Variants in KIAA1217 observed in about 807,000 individuals in gnomAD.
The protein encoded by KIAA1217 is KIAA1217.
In KIAA1217, 88 loss-of-function variants were observed where a neutral mutation model predicts 163.9. The observed-to-expected ratio is 0.54, with a 90% confidence interval of 0.45 to 0.64. The LOEUF (loss-of-function observed/expected upper bound fraction) is 0.64. Among genes scored for constraint, KIAA1217 ranks in the 30% least tolerant of loss-of-function variants. KIAA1217 has a pLI of 0.00. For synonymous variants in KIAA1217, 903 were observed against 923.1 expected (o/e 0.98, Z 0.39); for missense variants, 2,372 against 2,475.0 (o/e 0.96, Z 0.88).
chr10:24,150,908 G>A (rs562464429), intron 2 of KIAA1217, among the ~76,000 whole-genome samples: 1 of 152,296 alleles, frequency 6.6e-6, no homozygotes, highest in East Asian at 1.9e-4. Context: ...GAGGCAGCAT[G>A]CTCCTGGCTG....
rs371698439 is a variant in KIAA1217 at position 24,065,018 on chromosome 10, T to C, written c.-171+57644T>C. ...TTTGTCATTTTTTATTGCGTCTATTTGATTCTTCTCTCTTTTCTTCTTTAT... is the reference window on the plus strand; with the variant it reads ...TTTGTCATTTTTTATTGCGTCTATTCGATTCTTCTCTCTTTTCTTCTTTAT... On this transcript the variant is annotated intron_variant, in intron 2 of 18. Transcript: ENST00000376462. 9.2e-5 allele frequency among the ~76,000 whole-genome samples: 14 copies of C among 152,372 alleles called. No homozygotes were observed. In the East Asian group the frequency reaches 1.5e-3, roughly 17 times the overall value.
chr10:23,793,245 A>C (rs943683041), intron 1 of KIAA1217, among the ~76,000 whole-genome samples: 1 of 152,172 alleles, frequency 6.6e-6, no homozygotes, highest in Non-Finnish European at 1.5e-5. Flanking sequence ...GGAGAACTTC[A>C]CAAGTGAGTG....
At position 24,089,317 on chromosome 10, in the gene KIAA1217, A is replaced by C. The variant is rs1330304605; in HGVS notation, c.-171+81943A>C. Among the ~76,000 whole-genome samples, 3 of 124,866 alleles carry C rather than the reference A, an allele frequency of 2.4e-5. 1 individual carries two copies. The highest frequency in any genetic ancestry group is 2.3e-4 in the Admixed American group (3 of 12,976). 81.9% of individuals were successfully genotyped at this position (124,866 alleles called of 152,430 possible). On this transcript the variant is annotated intron_variant, in intron 2 of 18. Coordinates refer to the KIAA1217 transcript ENST00000376462. ...TAGTTTAATTAGATCCCATTTGTCA[A>C]TTTTGGCTTTTGTTGCCATTGCTTT...
intron 2 of KIAA1217, among the ~76,000 whole-genome samples, chr10:24,348,111 CTT>C (rs1457358541): frequency 1.3e-5 from 2 of 152,178 alleles, no homozygotes; most frequent in African/African-American, 4.8e-5. Flanking sequence ...AATCCCAGCA[CTT>C]TGGGAGGCAG....
At chr10:24,031,072 A>G (rs757273234) in intron 2 of KIAA1217, among the ~76,000 whole-genome samples, 1 of 152,114 alleles carries the variant, frequency 6.6e-6, no homozygotes, top group Non-Finnish European at 1.5e-5. Context: ...TTTTATGGTA[A>G]TTCTAAGTTT....
In KIAA1217 at chr10:24,472,634, C is replaced by A. The variant is rs181553806; in HGVS notation, c.847-594C>A. 1.3e-4 allele frequency among the ~76,000 whole-genome samples: 20 copies of A among 152,242 alleles called. No homozygotes were observed. The East Asian group carries it at 3.9e-3, about 29-fold the overall frequency. ...CACCACACTATTTTTTCCTGAAATCCCACAAAATTGCACTCTCCATCAGGT... is the reference window on the plus strand; with the variant it reads ...CACCACACTATTTTTTCCTGAAATCACACAAAATTGCACTCTCCATCAGGT... On this transcript the variant is annotated intron_variant, in intron 5 of 20. Transcript: ENST00000376454.
intron 1 of KIAA1217, among the ~76,000 whole-genome samples, chr10:23,751,782 T>C (rs1229537874): frequency 2.0e-5 from 3 of 152,192 alleles, no homozygotes; most frequent in Admixed American, 2.0e-4. Flanking sequence ...CAGGGGCTTC[T>C]TGTGAGATTA....
At chr10:23,997,207 G>T (rs1414238921) in intron 1 of KIAA1217, among the ~76,000 whole-genome samples, 1 of 152,156 alleles carries the variant, frequency 6.6e-6, no homozygotes. Flanking sequence ...GTGAAAGAAG[G>T]ATAAAAGAAC....
At chr10:23,797,208 G>T (rs1219841155) in intron 1 of KIAA1217, among the ~76,000 whole-genome samples, 1 of 152,134 alleles carries the variant, frequency 6.6e-6, no homozygotes, top group African/African-American at 2.4e-5. Context: ...CTGATGAAGG[G>T]TCTGAGTGGA....
chr10:24,276,233 T>C (rs970596074), intron 2 of KIAA1217, among the ~76,000 whole-genome samples: 7 of 152,220 alleles, frequency 4.6e-5, no homozygotes, highest in African/African-American at 1.7e-4. Flanking sequence ...TGATCATCCA[T>C]CTTATTGATG....
intron 1 of KIAA1217, among the ~76,000 whole-genome samples, chr10:23,771,197 T>C (rs922421389): frequency 2.0e-5 from 3 of 152,164 alleles, no homozygotes; most frequent in Admixed American, 6.5e-5. Flanking sequence ...TGAATAAAGC[T>C]CTCTTCTAAT....
chr10:24,011,226 C>G (rs1364705604), intron 2 of KIAA1217, among the ~76,000 whole-genome samples: 1 of 152,140 alleles, frequency 6.6e-6, no homozygotes, highest in African/African-American at 2.4e-5. Flanking sequence ...TGGCTCACAC[C>G]TATAGTCCCA....
At chr10:24,312,345 G>A (rs1397260382) in intron 2 of KIAA1217, among the ~76,000 whole-genome samples, 1 of 151,438 alleles carries the variant, frequency 6.6e-6, no homozygotes, top group African/African-American at 2.4e-5. Context: ...GCCAGGCACA[G>A]TGGCTCACGC....
intron 2 of KIAA1217, among the ~76,000 whole-genome samples, chr10:24,251,975 G>GAT (rs1435588753): frequency 1.5e-4 from 22 of 151,582 alleles, no homozygotes; most frequent in Non-Finnish European, 2.9e-4. Flanking sequence ...GCATATAGTA[G>GAT]ATGTTCAGGA....
chr10:23,932,316 G>A (rs537685171), intron 1 of KIAA1217, among the ~76,000 whole-genome samples: 70 of 152,080 alleles, frequency 4.6e-4, no homozygotes, highest in Admixed American at 1.4e-3. Flanking sequence ...CTTAGCTCTC[G>A]CTTATTTAAT....
intron 3 of KIAA1217, among the ~76,000 whole-genome samples, chr10:24,393,374 C>T (rs997684911): frequency 1.3e-5 from 2 of 152,180 alleles, no homozygotes; most frequent in Admixed American, 1.3e-4. Context: ...TGAAACTAAG[C>T]AGGCCCCTGT....
chr10:24,032,087 A>G (rs1848210945), intron 2 of KIAA1217, among the ~76,000 whole-genome samples: 1 of 152,140 alleles, frequency 6.6e-6, no homozygotes, highest in Non-Finnish European at 1.5e-5. Flanking sequence ...TTCTTTTTTA[A>G]TATTTGGCTT....
intron 1 of KIAA1217, among the ~76,000 whole-genome samples, chr10:24,002,378 C>T (rs1216577315): frequency 6.6e-6 from 1 of 152,176 alleles, no homozygotes; most frequent in African/African-American, 2.4e-5. Context: ...ACACACTTTA[C>T]TCAGATTGCC....
At chr10:24,260,407 T>C (rs560619983) in intron 2 of KIAA1217, among the ~76,000 whole-genome samples, 1 of 152,164 alleles carries the variant, frequency 6.6e-6, no homozygotes, top group South Asian at 2.1e-4. Context: ...ATAATCGACA[T>C]TTCAGTTGTA....
Sources: gnomAD v4.1 joint callset for allele counts (sites outside exome capture counted in the v4.1 genomes callset) on GRCh38, gnomAD v4.1.1 for gene constraint, MANE v1.5 for transcripts, NCBI Gene and HGNC (gene_info 2026-07-23, HGNC 2026-07-21) for gene names.